The following EYS variants were observed in gnomAD, a reference collection of about 807,000 sequenced individuals.
EYS encodes protein eyes shut homolog.
EYS carries 250 observed loss-of-function variants against 282.1 expected under a neutral mutation model. The ratio of observed to expected loss-of-function variants is 0.89; its 90% confidence interval spans 0.80 to 0.98. The LOEUF is 0.98. Ranked by LOEUF, EYS falls within the 50% of genes least tolerant of loss-of-function variation. The probability of loss-of-function intolerance (pLI) is 0.00; values close to 1 mark genes in which losing one functional copy is unlikely to be tolerated. For missense variants in EYS, 4,016 were observed against 3,709.0 expected (o/e 1.08, Z -2.15); for synonymous variants, 1,355 against 1,282.9 (o/e 1.06, Z -1.20).
chr6:65,437,439 C>T (rs1374620646), intron 5 of EYS, among the ~76,000 whole-genome samples: 1 of 151,984 alleles, frequency 6.6e-6, no homozygotes. Flanking sequence ...CTTCAGTATG[C>T]AGTTTTTTCA....
intron 5 of EYS, among the ~76,000 whole-genome samples, chr6:65,477,397 T>G (rs1765451660): frequency 6.6e-6 from 1 of 152,198 alleles, no homozygotes; most frequent in Non-Finnish European, 1.5e-5. Context: ...AAGAACTCAT[T>G]AAAAGACTTA....
At chr6:64,744,662 T>C (rs1376395448) in intron 22 of EYS, among the ~76,000 whole-genome samples, 1 of 152,158 alleles carries the variant, frequency 6.6e-6, no homozygotes, top group African/African-American at 2.4e-5. Context: ...GCACATTATA[T>C]ATGCAGATTA....
At chr6:64,833,480 C>T (rs1267118405) in intron 19 of EYS, among the ~76,000 whole-genome samples, 2 of 151,820 alleles carry the variant, frequency 1.3e-5, no homozygotes, top group African/African-American at 4.8e-5. Flanking sequence ...GCAGCCCCAA[C>T]ATTTCTTCTG....
rs115174107 is a variant in EYS, at chr6:64,165,900, A to G, written c.6424+64692T>C. 9.8e-3 allele frequency among the ~76,000 whole-genome samples: 1,494 copies of G among 152,336 alleles called. 26 individuals are homozygous for G. The highest frequency in any genetic ancestry group is 0.034 in the African/African-American group (1,424 of 41,580). Reference sequence around the variant, plus strand: ...ATTTATGCCCAATTCTGAAAGTAGGAAAAGATAGTGCCTGACAAATAAACC... The same window carrying G: ...ATTTATGCCCAATTCTGAAAGTAGGGAAAGATAGTGCCTGACAAATAAACC... On this transcript the variant is annotated intron_variant, in intron 31 of 42. Transcript: ENST00000503581.
At chr6:64,284,203 C>T (rs990353500) in intron 30 of EYS, among the ~76,000 whole-genome samples, 1 of 152,120 alleles carries the variant, frequency 6.6e-6, no homozygotes, top group Admixed American at 6.5e-5. Context: ...AAGTTACTTC[C>T]TAGGTTCAAT....
At chr6:65,292,422 A>G (rs1244341293) in intron 12 of EYS, among the ~76,000 whole-genome samples, 1 of 151,744 alleles carries the variant, frequency 6.6e-6, no homozygotes, top group African/African-American at 2.4e-5. Context: ...AATCAAGGGT[A>G]AAAATCTTAC....
chr6:64,818,626 C>T (rs1764812211), intron 21 of EYS, among the ~76,000 whole-genome samples: 1 of 152,096 alleles, frequency 6.6e-6, no homozygotes, highest in Admixed American at 6.6e-5. Flanking sequence ...TCCAAGAGTC[C>T]AAAAGCTGAA....
At chr6:64,243,040 TATA>T (rs1169139743) in intron 30 of EYS, among the ~76,000 whole-genome samples, 1 of 147,322 alleles carries the variant, frequency 6.8e-6, no homozygotes, top group Non-Finnish European at 1.5e-5. Flanking sequence ...AAATATAAAA[TATA>T]ATTATATAAA....
Position 63,918,135 on chromosome 6 carries a change from A to G in EYS, c.7056-53777T>C, listed in dbSNP as rs184404438. On this transcript the variant is annotated intron_variant, in intron 35 of 42. Coordinates refer to ENST00000503581, the MANE Select transcript of EYS (RefSeq NM_001142800.2). ...GCAACTAAGTGCAAATGCAGATAAA[A>G]GATTGCATAAATAATACTCCTGATG... is the stretch of plus-strand genomic sequence containing the variant. Among the ~76,000 whole-genome samples, 41 of 152,342 alleles carry G rather than the reference A, an allele frequency of 2.7e-4. No homozygotes were observed. The East Asian group carries it at 7.1e-3, about 27-fold the overall frequency.
intron 35 of EYS, among the ~76,000 whole-genome samples, chr6:63,937,691 C>G (rs924109072): frequency 6.6e-6 from 1 of 151,904 alleles, no homozygotes; most frequent in African/African-American, 2.4e-5. Flanking sequence ...AGGCTTCCCT[C>G]TTAATGAAAG....
intron 22 of EYS, among the ~76,000 whole-genome samples, chr6:64,682,323 G>A (rs1203353199): frequency 1.3e-5 from 2 of 151,946 alleles, no homozygotes; most frequent in African/African-American, 4.8e-5. Flanking sequence ...AGCCGAAATC[G>A]CGCCACTGTA....
At chr6:65,176,470 T>C (rs952608794) in intron 12 of EYS, among the ~76,000 whole-genome samples, 1 of 151,620 alleles carries the variant, frequency 6.6e-6, no homozygotes, top group Admixed American at 6.6e-5. Context: ...TAGGTTATAA[T>C]TTTACTTTTA....
intron 31 of EYS, among the ~76,000 whole-genome samples, chr6:64,109,816 G>A (rs1773148599): frequency 6.6e-6 from 1 of 152,038 alleles, no homozygotes; most frequent in African/African-American, 2.4e-5. Context: ...AAAACTCTTT[G>A]ATTTTGCCTA....
intron 11 of EYS, among the ~76,000 whole-genome samples, chr6:65,306,730 G>A (rs1183892532): frequency 6.9e-6 from 1 of 143,916 alleles, no homozygotes; most frequent in East Asian, 2.0e-4. Flanking sequence ...CTACTTGGGA[G>A]GCTGAGGCAG....
intron 12 of EYS, among the ~76,000 whole-genome samples, chr6:65,223,651 T>C (rs1260346565): frequency 6.6e-6 from 1 of 152,116 alleles, no homozygotes; most frequent in Admixed American, 6.6e-5. Context: ...GTATTCTCAG[T>C]CTAAGAACAG....
chr6:64,890,544 T>C (rs1045796639), intron 18 of EYS, among the ~76,000 whole-genome samples: 5 of 152,138 alleles, frequency 3.3e-5, no homozygotes, highest in African/African-American at 1.2e-4. Flanking sequence ...TACGTGAATA[T>C]CAGGGCAGGT....
intron 33 of EYS, among the ~76,000 whole-genome samples, chr6:64,052,656 A>C (rs892211493): frequency 6.6e-6 from 1 of 152,188 alleles, no homozygotes; most frequent in Non-Finnish European, 1.5e-5. Context: ...CTCCACCTGA[A>C]TCTCATCCTG....
At chr6:65,513,828 G>A (rs143201110) in intron 2 of EYS, among the ~76,000 whole-genome samples, 20 of 151,550 alleles carry the variant, frequency 1.3e-4, no homozygotes, top group East Asian at 7.8e-4. Flanking sequence ...ACCCACAGCC[G>A]ACATCATACT....
intron 36 of EYS, among the ~76,000 whole-genome samples, chr6:63,852,618 C>T (rs1376918794): frequency 1.3e-5 from 2 of 152,122 alleles, no homozygotes; most frequent in Admixed American, 6.6e-5. Flanking sequence ...GGGTCTCCTC[C>T]CTAACACATT....
Sources: gnomAD v4.1 joint callset for allele counts (sites outside exome capture counted in the v4.1 genomes callset) on GRCh38, gnomAD v4.1.1 for gene constraint, MANE v1.5 for transcripts, NCBI Gene and HGNC (gene_info 2026-07-23, HGNC 2026-07-21) for gene names.